Variants in PPP2R5A observed in about 807,000 individuals in gnomAD.
The protein encoded by PPP2R5A is serine/threonine-protein phosphatase 2A 56 kDa regulatory subunit alpha isoform.
In PPP2R5A, 25 loss-of-function variants were observed where a neutral mutation model predicts 64.2. The ratio of observed to expected loss-of-function variants is 0.39; its 90% CI spans 0.28 to 0.54. The LOEUF is 0.54. PPP2R5A is among the 20% of genes least tolerant of loss of function. The probability of loss-of-function intolerance (pLI) is 0.67; values close to 1 mark genes in which losing one functional copy is unlikely to be tolerated. For synonymous variants in PPP2R5A, 198 were observed against 201.2 expected (o/e 0.98, Z 0.13); for missense variants, 425 against 576.3 (o/e 0.74, Z 2.69).
chr1:212,295,945 C>G (rs1415534634), intron 1 of PPP2R5A, among the ~76,000 whole-genome samples: 1 of 151,996 alleles, frequency 6.6e-6, no homozygotes, highest in Non-Finnish European at 1.5e-5. Context: ...ACTATAGCTA[C>G]TGGGTAGAGA....
chr1:212,333,657 TG>T, intron 3 of PPP2R5A, 59 bp downstream of exon 3: 1 of 983,738 alleles, frequency 1.0e-6, no homozygotes, highest in Non-Finnish European at 1.4e-6. Context: ...GCAGAAATCA[TG>T]GTTTTCTCAT....
rs1659992263 is a variant in PPP2R5A, at chr1:212,357,214, G to A, written c.1156G>A (p.Glu386Lys). 1 of 1,594,894 alleles carries A rather than the reference G, an allele frequency of 6.3e-7. No homozygotes were observed. The highest frequency in any genetic ancestry group is 8.5e-7 in the Non-Finnish European group (1 of 1,173,948). ...NNEYILSLIE[E>K]NIDKILPIMF... is the part of the protein sequence containing the mutation. ...CGAATATATTCTTAGTTTGATTGAG[G>A]AGAACATTGATAAAATTCTGCCAAT... Residue 386 changes from glutamate (E) to lysine (K), a missense_variant, in exon 11 of 13, where the codon GAG becomes AAG. Coordinates refer to ENST00000261461, the MANE Select transcript of PPP2R5A (RefSeq NM_006243.4).
chr1:212,313,118 T>C (rs1180329162), intron 1 of PPP2R5A, among the ~76,000 whole-genome samples: 1 of 152,216 alleles, frequency 6.6e-6, no homozygotes, highest in Non-Finnish European at 1.5e-5. Flanking sequence ...AGGGTTTCTT[T>C]TTCCTGTGCT....
intron 3 of PPP2R5A, among the ~76,000 whole-genome samples, chr1:212,335,374 C>T (rs142314600): frequency 0.014 from 2,157 of 151,666 alleles, 49 homozygotes; most frequent in African/African-American, 0.048. Flanking sequence ...ACTCAGGAGG[C>T]TGAGGCAGGA....
chr1:212,324,740 G>A (rs1462098907), intron 1 of PPP2R5A, among the ~76,000 whole-genome samples: 1 of 152,030 alleles, frequency 6.6e-6, no homozygotes, highest in South Asian at 2.1e-4. Context: ...GAGTAGCTGG[G>A]ACTACAGGTG....
chr1:212,359,184 T>G (rs1276171385), intron 12 of PPP2R5A, among the ~76,000 whole-genome samples: 1 of 152,238 alleles, frequency 6.6e-6, no homozygotes, highest in Admixed American at 6.5e-5. Context: ...TTGTACAATT[T>G]GATTTTTTAT....
Position 212,360,786 on chromosome 1 carries a change from C to T in PPP2R5A, c.*16C>T, listed in dbSNP as rs181791553. ...TGCCGAATAAAAAAAAAGCCTCCCA[C>T]CTCTGCCGGATAGGCAGAGTTTTGT... On this transcript the variant is annotated 3_prime_UTR_variant, in exon 13 of 13. Coordinates refer to ENST00000261461, the MANE Select transcript of PPP2R5A (RefSeq NM_006243.4). 2.0e-3 allele frequency: 2,998 copies of T among 1,507,478 alleles called. 6 individuals carry two copies. The highest frequency in any genetic ancestry group is 2.3e-3 in the Non-Finnish European group (2,621 of 1,133,312). 93.4% of individuals were successfully genotyped at this position (1,507,478 alleles called of 1,614,324 possible). A position where few individuals can be genotyped will look rare whatever the true frequency, so the allele number is the denominator to read the frequency against.
chr1:212,285,900 G>T lies in PPP2R5A; in HGVS notation c.-211G>T, dbSNP rs1390570607. The T allele has an allele frequency of 4.7e-6, 2 of 429,300 alleles. No homozygotes were observed. The highest frequency in any genetic ancestry group is 3.9e-6 in the Non-Finnish European group (1 of 253,920). The allele number at this position is 429,300 out of a possible 1,614,324, so 26.6% of individuals were successfully genotyped here. On this transcript the variant is annotated 5_prime_UTR_variant, in exon 1 of 13. Coordinates refer to ENST00000261461, the MANE Select transcript of PPP2R5A (RefSeq NM_006243.4). ...GCCCCGGGAGCTCGCCGCGCGCCGG[G>T]GACCAGGAACCTCCAGCGCTGAGAT...
chr1:212,329,353 C>T, intron 2 of PPP2R5A, 22 bp downstream of exon 2: 2 of 1,470,872 alleles, frequency 1.4e-6, no homozygotes, highest in Non-Finnish European at 1.8e-6. Context: ...GAATTATGTT[C>T]CTCAGATTTA....
intron 1 of PPP2R5A, among the ~76,000 whole-genome samples, chr1:212,314,197 A>G (rs2102421874): frequency 6.6e-6 from 1 of 152,310 alleles, no homozygotes; most frequent in South Asian, 2.1e-4. Context: ...AGCCCCAGCT[A>G]GTCTGTCAGC....
chr1:212,295,475 A>G (rs1030173284), intron 1 of PPP2R5A, among the ~76,000 whole-genome samples: 5 of 152,250 alleles, frequency 3.3e-5, no homozygotes, highest in African/African-American at 1.2e-4. Flanking sequence ...GCAATGTGCT[A>G]GAGATAATTT....
chr1:212,357,293 C>A lies in PPP2R5A; in HGVS notation c.1226+9C>A. Reference sequence around the variant, plus strand: ...AAAGAACACTGGAATCCGTAAGTATCTTTTATATAGGTCGTATTTTTTTCT... The same window carrying A: ...AAAGAACACTGGAATCCGTAAGTATATTTTATATAGGTCGTATTTTTTTCT... On this transcript the variant is annotated intron_variant, in intron 11 of 12. Transcript: ENST00000261461. 2.0e-6 allele frequency: 3 copies of A among 1,511,828 alleles called. No individual in the cohort carries two copies. The highest frequency in any genetic ancestry group is 1.8e-6 in the Non-Finnish European group (2 of 1,134,634). 93.7% of individuals were successfully genotyped at this position (1,511,828 alleles called of 1,614,324 possible).
chr1:212,303,371 G>C (rs747881919), intron 1 of PPP2R5A, among the ~76,000 whole-genome samples: 2 of 152,094 alleles, frequency 1.3e-5, no homozygotes, highest in Non-Finnish European at 2.9e-5. Flanking sequence ...CATGCTTATT[G>C]GCCATTTGTA....
At chr1:212,305,696 G>C (rs964666987) in intron 1 of PPP2R5A, among the ~76,000 whole-genome samples, 2 of 151,926 alleles carry the variant, frequency 1.3e-5, no homozygotes, top group African/African-American at 2.4e-5. Context: ...CTTTGTTTCT[G>C]TCAGTTTTTC....
intron 8 of PPP2R5A, among the ~76,000 whole-genome samples, chr1:212,351,864 C>T (rs1170776231): frequency 6.6e-6 from 1 of 152,014 alleles, no homozygotes; most frequent in East Asian, 1.9e-4. Flanking sequence ...ACCTTTCCTT[C>T]CACTCAAAGC....
At chr1:212,298,882 A>ACC (rs1658744999) in intron 1 of PPP2R5A, among the ~76,000 whole-genome samples, 2 of 34,510 alleles carry the variant, frequency 5.8e-5, no homozygotes, top group East Asian at 4.4e-4. Context: ...CGGGGGGCTG[A>ACC]CCCCCCACCT....
intron 1 of PPP2R5A, 89 bp from the exon 2 acceptor site, chr1:212,329,044 CAT>C (rs2102432684): frequency 1.0e-6 from 1 of 966,850 alleles, no homozygotes; most frequent in East Asian, 3.0e-5. Flanking sequence ...AGAAGTTTTA[CAT>C]ATGTGAATAG....
chr1:212,305,527 A>G (rs1311624520), intron 1 of PPP2R5A, among the ~76,000 whole-genome samples: 3 of 152,020 alleles, frequency 2.0e-5, no homozygotes, highest in African/African-American at 7.3e-5. Context: ...TAGTGAGTAT[A>G]AATTCTGTAG....
At chr1:212,355,987 T>G (rs952192410) in intron 8 of PPP2R5A, among the ~76,000 whole-genome samples, 4 of 151,990 alleles carry the variant, frequency 2.6e-5, no homozygotes, top group African/African-American at 9.7e-5. Context: ...TTGCTTGAAC[T>G]TGGGAGGCCG....
Sources: allele counts gnomAD v4.1 joint callset (sites outside exome capture counted in the v4.1 genomes callset), GRCh38; gene constraint gnomAD v4.1.1; transcripts MANE v1.5; gene names NCBI Gene and HGNC (gene_info 2026-07-23, HGNC 2026-07-21).